PAFAH1B1: variants seen among roughly 807,000 people sequenced by gnomAD.
The protein encoded by PAFAH1B1 is platelet activating factor acetylhydrolase 1b regulatory subunit 1, also known as platelet-activating factor acetylhydrolase IB subunit beta.
A neutral mutation model predicts 57.5 loss-of-function variants in PAFAH1B1; 2 were observed. The ratio of observed to expected loss-of-function variants is 0.03; its 90% CI spans 0.01 to 0.11. PAFAH1B1 has a LOEUF of 0.11. Ranked by LOEUF, PAFAH1B1 falls within the 10% of genes least tolerant of loss-of-function variation. The probability of loss-of-function intolerance (pLI) is 1.00; values close to 1 mark genes in which losing one functional copy is unlikely to be tolerated. For synonymous variants in PAFAH1B1, 152 were observed against 169.6 expected, an observed-to-expected ratio of 0.90 and a Z score of 0.81; for missense variants, 257 against 512.0, an observed-to-expected ratio of 0.50 and a Z score of 4.81.
rs770011553 is a variant in PAFAH1B1 at position 2,606,810 on chromosome 17, C to CTTTT, written c.-191+12828_-191+12831dup. ...ACATTTTGTCATATTTGCCTCAGAG[C>CTTTT]TTTTTTTTTTTTTTTTTTTTTTTTT... On this transcript the variant is annotated intron_variant, in intron 1 of 10. Coordinates refer to ENST00000397195, the MANE Select transcript of PAFAH1B1 (RefSeq NM_000430.4). 2.2e-4 allele frequency among the ~76,000 whole-genome samples: 22 copies of CTTTT among 101,706 alleles called. 6 individuals carry two copies. Among genetic ancestry groups the CTTTT allele is most frequent in the African/African-American group, 4.3e-4 (11 of 25,406 alleles). 66.7% of individuals were successfully genotyped at this position (101,706 alleles called of 152,430 possible). A position where few individuals can be genotyped will look rare whatever the true frequency, so the allele number is the denominator to read the frequency against.
intron 2 of PAFAH1B1, among the ~76,000 whole-genome samples, chr17:2,648,965 A>G (rs548017677): frequency 6.6e-6 from 1 of 152,200 alleles, no homozygotes; most frequent in African/African-American, 2.4e-5. Flanking sequence ...CAACAGAAAG[A>G]ATTAGAACTA....
At chr17:2,622,685 C>T (rs532190866) in intron 1 of PAFAH1B1, among the ~76,000 whole-genome samples, 2 of 152,286 alleles carry the variant, frequency 1.3e-5, no homozygotes, top group Admixed American at 1.3e-4. Context: ...ATCTACCATT[C>T]TGGGGTCTGG....
At chr17:2,661,022 A>G (rs1394669779) in intron 2 of PAFAH1B1, among the ~76,000 whole-genome samples, 1 of 151,546 alleles carries the variant, frequency 6.6e-6, no homozygotes, top group East Asian at 1.9e-4. Flanking sequence ...GCTTTTTTTC[A>G]TATGTTTTTT....
At chr17:2,671,503 C>A (rs879903285) in intron 6 of PAFAH1B1, among the ~76,000 whole-genome samples, 1 of 147,068 alleles carries the variant, frequency 6.8e-6, no homozygotes, top group Admixed American at 6.8e-5. Flanking sequence ...TAAGGTCTAT[C>A]ATTTATTTTT....
intron 1 of PAFAH1B1, among the ~76,000 whole-genome samples, chr17:2,628,281 A>C (rs1385320706): frequency 6.6e-6 from 1 of 152,082 alleles, no homozygotes; most frequent in African/African-American, 2.4e-5. Context: ...TTTAATTATA[A>C]AGGGATTCTG....
chr17:2,641,243 C>T (rs1165934569), intron 2 of PAFAH1B1: 1 of 152,340 alleles, frequency 6.6e-6, no homozygotes, highest in Non-Finnish European at 1.5e-5. Context: ...ACTCCAACCT[C>T]TGCCTCCCGG....
At chr17:2,655,756 C>G (rs1329003446) in intron 2 of PAFAH1B1, among the ~76,000 whole-genome samples, 1 of 149,846 alleles carries the variant, frequency 6.7e-6, no homozygotes, top group Non-Finnish European at 1.5e-5. Flanking sequence ...AGCCTTGTTA[C>G]AATGTCGTCA....
Position 2,664,694 on chromosome 17 carries a change from T to A in PAFAH1B1, c.33-678T>A, listed in dbSNP as rs3029951. On this transcript the variant is annotated intron_variant, in intron 2 of 10. Transcript: ENST00000397195. ...TCTCTCTCTCTCTCTCTCTCTCTCT[T>A]TCTCTCTCCATCTATAAAGCCCAAA... Among the ~76,000 whole-genome samples, 56 of 114,542 alleles carry A rather than the reference T, an allele frequency of 4.9e-4. 1 individual carries two copies. Among genetic ancestry groups the A allele is most frequent in the Non-Finnish European group, 1.0e-3 (51 of 49,920 alleles). The allele number at this position is 114,542 out of a possible 152,430, so 75.1% of individuals were successfully genotyped here. A position where few individuals can be genotyped will look rare whatever the true frequency, so the allele number is the denominator to read the frequency against.
At chr17:2,662,980 G>A (rs978029925) in intron 2 of PAFAH1B1, among the ~76,000 whole-genome samples, 16 of 152,126 alleles carry the variant, frequency 1.1e-4, no homozygotes, top group African/African-American at 3.9e-4. Context: ...GGGCATCGTG[G>A]CACCTGCCTG....
At chr17:2,658,319 G>A (rs1456296524) in intron 2 of PAFAH1B1, among the ~76,000 whole-genome samples, 1 of 152,118 alleles carries the variant, frequency 6.6e-6, no homozygotes. Flanking sequence ...GGTTAAAAGG[G>A]TAAAGAGGGA....
At chr17:2,606,856 G>T (rs2068210750) in intron 1 of PAFAH1B1, among the ~76,000 whole-genome samples, 1 of 113,404 alleles carries the variant, frequency 8.8e-6, no homozygotes, top group Non-Finnish European at 1.6e-5. Flanking sequence ...GTCTCGCTCT[G>T]TCGCCCAGGC....
chr17:2,680,139 G>A, intron 9 of PAFAH1B1, 25 bp from the exon 10 acceptor site: 1 of 1,611,630 alleles, frequency 6.2e-7, no homozygotes, highest in Non-Finnish European at 8.5e-7. Context: ...CTTTTACTGA[G>A]TCAAATAACT....
chr17:2,606,913 C>T lies in PAFAH1B1; in HGVS notation c.-191+12907C>T, dbSNP rs1026531856. On this transcript the variant is annotated intron_variant, in intron 1 of 10. Coordinates refer to ENST00000397195, the MANE Select transcript of PAFAH1B1 (RefSeq NM_000430.4). ...AATCTCAGCTCACTGCAACCTCTGCCTCCCAGGTTCACACCATTCTCCTGC... is the reference window on the plus strand; with the variant it reads ...AATCTCAGCTCACTGCAACCTCTGCTTCCCAGGTTCACACCATTCTCCTGC... Among the ~76,000 whole-genome samples the T allele has an allele frequency of 7.3e-5, 11 of 149,920 alleles. No individual in the cohort carries two copies. The South Asian group carries it at 1.9e-3, about 26-fold the overall frequency.
intron 1 of PAFAH1B1, among the ~76,000 whole-genome samples, chr17:2,624,780 C>T (rs1257505478): frequency 1.3e-5 from 2 of 152,134 alleles, no homozygotes; most frequent in Non-Finnish European, 2.9e-5. Flanking sequence ...TGGGCTCAAG[C>T]GATCTGCATG....
In PAFAH1B1 at chr17:2,673,064, G is replaced by A. The variant is rs144174526; in HGVS notation, c.671+307G>A. ...GCCTGGGCAACAAGAGTGAGACTCC[G>A]TCTCAAAAAAAAAGAAAAGGCATCA... is the stretch of plus-strand genomic sequence containing the variant. On this transcript the variant is annotated intron_variant, in intron 7 of 10. Transcript: ENST00000397195. Among the ~76,000 whole-genome samples, 1,408 of 150,846 alleles carry A rather than the reference G, an allele frequency of 9.3e-3. 17 individuals carry two copies. Among genetic ancestry groups the A allele is most frequent in the African/African-American group, 0.033 (1,345 of 40,988 alleles).
At position 2,681,752 on chromosome 17, in the gene PAFAH1B1, G is replaced by A; in HGVS notation, c.1183G>A (p.Val395Ile). 6.2e-7 allele frequency: 1 copy of A among 1,613,092 alleles called. No homozygotes were observed. Among genetic ancestry groups the A allele is most frequent in the Non-Finnish European group, 8.5e-7 (1 of 1,179,922 alleles). The change falls in exon 11 of 11, where the codon GTC (valine) becomes ATC (isoleucine). Residue 395 changes from valine to isoleucine, a missense_variant. Physicochemically the swap from Val to Ile is conservative, Grantham distance 29. Transcript: ENST00000397195. ...SLDFHKTAPY[V>I]VTGSVDQTVK... Reference sequence around the variant, plus strand: ...AGATTTCCACAAGACGGCACCCTATGTCGTCACTGGCAGCGTAGATCAAAC... The same window carrying A: ...AGATTTCCACAAGACGGCACCCTATATCGTCACTGGCAGCGTAGATCAAAC...
intron 8 of PAFAH1B1, 185 bp from the exon 9 acceptor site, chr17:2,676,320 G>A: frequency 1.8e-6 from 1 of 551,836 alleles, no homozygotes; most frequent in Non-Finnish European, 3.3e-6. Flanking sequence ...GGAGGTTGCA[G>A]TGACCCAAGA....
intron 8 of PAFAH1B1, among the ~76,000 whole-genome samples, chr17:2,676,137 G>A (rs2069262686): frequency 6.6e-6 from 1 of 152,212 alleles, no homozygotes; most frequent in Non-Finnish European, 1.5e-5. Context: ...ACTTTGGGAG[G>A]CCGAGGTGGG....
intron 2 of PAFAH1B1, among the ~76,000 whole-genome samples, chr17:2,655,725 G>A (rs987540345): frequency 5.9e-5 from 9 of 151,454 alleles, no homozygotes; most frequent in African/African-American, 1.9e-4. Flanking sequence ...TCACACACAT[G>A]TGTAAGATGT....
Sources: allele counts gnomAD v4.1 joint callset (sites outside exome capture counted in the v4.1 genomes callset), GRCh38; gene constraint gnomAD v4.1.1; transcripts MANE v1.5; gene names NCBI Gene and HGNC (gene_info 2026-07-23, HGNC 2026-07-21).